UGGT2: variants seen among roughly 807,000 people sequenced by gnomAD.
UGGT2 encodes the protein UDP-glucose glycoprotein glucosyltransferase 2.
A neutral mutation model predicts 192.1 loss-of-function variants in UGGT2; 180 were observed. The ratio of observed to expected loss-of-function variants is 0.94; its 90% CI spans 0.83 to 1.06. UGGT2 has a LOEUF of 1.06. Among genes scored for constraint, UGGT2 ranks in the 50% least tolerant of loss-of-function variants. The pLI is 0.00. For missense variants in UGGT2, 1,849 were observed against 1,795.7 expected (o/e 1.03, Z -0.54); for synonymous variants, 580 against 591.0 (o/e 0.98, Z 0.27).
At chr13:95,898,210 C>T (rs1437287315) in intron 22 of UGGT2, among the ~76,000 whole-genome samples, 2 of 152,126 alleles carry the variant, frequency 1.3e-5, no homozygotes, top group African/African-American at 4.8e-5. Flanking sequence ...CCCAATGTAA[C>T]AGCCTCTAGT....
At chr13:95,994,005 T>C (rs2051539035) in intron 7 of UGGT2, among the ~76,000 whole-genome samples, 1 of 152,262 alleles carries the variant, frequency 6.6e-6, no homozygotes, top group East Asian at 1.9e-4. Context: ...AGCTTACTTA[T>C]ATATGTATAT....
In UGGT2 at chr13:95,887,056, AT is replaced by A. The variant is rs1321924959; in HGVS notation, c.3038+835del. On this transcript the variant is annotated intron_variant, in intron 26 of 38. Coordinates refer to ENST00000376747, the MANE Select transcript of UGGT2 (RefSeq NM_020121.4). Reference sequence around the variant, plus strand: ...GAGTGAGAACCTGTCTCCAAAAAAAATAAAAATAAAAATAAAAAAAAGTTCT... The same window carrying A: ...GAGTGAGAACCTGTCTCCAAAAAAAAAAAAATAAAAATAAAAAAAAGTTCT... Among the ~76,000 whole-genome samples, 4 of 152,294 alleles carry A rather than the reference AT, an allele frequency of 2.6e-5. No individual in the cohort carries two copies. In the East Asian group the frequency reaches 7.7e-4, roughly 29 times the overall value.
rs59712927 is a variant in UGGT2 at position 95,975,815 on chromosome 13, A to T, written c.1093-3144T>A. On this transcript the variant is annotated intron_variant, in intron 10 of 38. Transcript: ENST00000376747. ...TCTGAAATTTAAATTTTTCTTAAAA[A>T]TTTTATTTTTAATTTTCACGGGTAC... Among the ~76,000 whole-genome samples, 992 of 152,238 alleles carry T rather than the reference A, an allele frequency of 6.5e-3. 10 individuals are homozygous for T. The highest frequency in any genetic ancestry group is 0.023 in the African/African-American group (954 of 41,538).
intron 29 of UGGT2, among the ~76,000 whole-genome samples, chr13:95,875,902 A>G (rs980779512): frequency 4.6e-5 from 7 of 152,248 alleles, no homozygotes; most frequent in Admixed American, 3.9e-4. Context: ...AAAGGTGCTC[A>G]GTAAGTATTT....
At chr13:95,954,134 A>AAGTT (rs1378277407) in intron 12 of UGGT2, among the ~76,000 whole-genome samples, 3 of 152,192 alleles carry the variant, frequency 2.0e-5, no homozygotes, top group African/African-American at 7.2e-5. Flanking sequence ...AGTTTCATAC[A>AAGTT]CACAATTTAA....
intron 25 of UGGT2, among the ~76,000 whole-genome samples, chr13:95,889,800 C>G (rs1242731731): frequency 2.6e-5 from 4 of 152,172 alleles, no homozygotes; most frequent in Non-Finnish European, 5.9e-5. Context: ...TTCCAGCCTC[C>G]CTTGTCATTC....
At chr13:95,957,595 CAG>C (rs761013181) in intron 12 of UGGT2, among the ~76,000 whole-genome samples, 3 of 152,212 alleles carry the variant, frequency 2.0e-5, no homozygotes, top group Non-Finnish European at 4.4e-5. Flanking sequence ...TGGGGCTTTG[CAG>C]AGTGTGGGGA....
rs548472231 is a variant in UGGT2 at position 96,036,170 on chromosome 13, T to G, written c.159-4199A>C. Among the ~76,000 whole-genome samples the G allele has an allele frequency of 4.1e-4, 62 of 152,314 alleles. No individual in the cohort carries two copies. The South Asian group carries it at 6.6e-3, about 16-fold the overall frequency. ...CATCAACTTATATCCCCATCAATGA[T>G]AGACTGAATAAAGAAAATGTGGTAT... On this transcript the variant is annotated intron_variant, in intron 1 of 38. Transcript: ENST00000376747.
chr13:95,972,512 C>A, intron 11 of UGGT2, 68 bp downstream of exon 11: 1 of 1,322,100 alleles, frequency 7.6e-7, no homozygotes, highest in Admixed American at 2.0e-5. Flanking sequence ...TTGACTTACA[C>A]TAAATTCAAG....
rs774628040 is a variant in UGGT2, at chr13:96,053,367, G to A, written c.-55C>T. The A allele has an allele frequency of 3.2e-6, 5 of 1,540,554 alleles. No individual in the cohort carries two copies. The highest frequency in any genetic ancestry group is 4.3e-6 in the Non-Finnish European group (5 of 1,154,538). The stretch of plus-strand genomic sequence containing the variant: ...GACCCGGTACCCACAGTCTGTGGCC[G>A]CCACGCTTCGGCCGGCTCTTCCCGC... On this transcript the variant is annotated 5_prime_UTR_variant, in exon 1 of 39. Coordinates refer to ENST00000376747, the MANE Select transcript of UGGT2 (RefSeq NM_020121.4).
chr13:95,943,615 G>A (rs2049765620), intron 15 of UGGT2, among the ~76,000 whole-genome samples: 1 of 151,934 alleles, frequency 6.6e-6, no homozygotes, highest in Non-Finnish European at 1.5e-5. Context: ...TTAGAAGAGA[G>A]AAAAGCAACT....
intron 5 of UGGT2, among the ~76,000 whole-genome samples, chr13:96,000,400 T>C (rs1458421596): frequency 6.6e-6 from 1 of 152,234 alleles, no homozygotes; most frequent in Non-Finnish European, 1.5e-5. Context: ...ATGTAAAAGT[T>C]AGCTTCAGCT....
chr13:96,048,342 G>A (rs1214877573), intron 1 of UGGT2, among the ~76,000 whole-genome samples: 1 of 152,168 alleles, frequency 6.6e-6, no homozygotes, highest in Admixed American at 6.5e-5. Context: ...GCAGTGTGTA[G>A]AGGGAAATTT....
intron 20 of UGGT2, among the ~76,000 whole-genome samples, chr13:95,917,111 T>C (rs890532613): frequency 6.6e-6 from 1 of 151,864 alleles, no homozygotes; most frequent in Admixed American, 6.6e-5. Flanking sequence ...TTCTCCAAGG[T>C]TGAAATGAAA....
At chr13:95,999,345 G>C in intron 5 of UGGT2, 38 bp from the exon 6 acceptor site, 1 of 1,576,258 alleles carries the variant, frequency 6.3e-7, no homozygotes, top group Non-Finnish European at 8.7e-7. Flanking sequence ...AGCGAAAAGA[G>C]TTAGTCAAAC....
chr13:95,909,982 A>G (rs1303671732), intron 20 of UGGT2, among the ~76,000 whole-genome samples: 2 of 152,098 alleles, frequency 1.3e-5, no homozygotes. Context: ...TTTAATATCC[A>G]GCCAAACTAA....
rs753603639 is a variant in UGGT2 at position 95,863,673 on chromosome 13, G to A, written c.3600C>T (p.Thr1200=). 1.1e-5 allele frequency: 17 copies of A among 1,612,184 alleles called. No homozygotes were observed. Among genetic ancestry groups the A allele is most frequent in the East Asian group, 4.5e-5 (2 of 44,732 alleles). Residue 1200 remains threonine (T), a synonymous_variant, in exon 31 of 39, where the codon ACC becomes ACT. Coordinates refer to ENST00000376747, the MANE Select transcript of UGGT2 (RefSeq NM_020121.4). ...GTCCTTTTGTTTTTTCATCTTCATC[G>A]GTAAGGATATCTTCCTTAATTTTGT... is the stretch of plus-strand genomic sequence containing the variant. ...ETDKIKEDIL[T]DEDEKTKGLW... is the part of the protein sequence containing the mutation.
intron 15 of UGGT2, among the ~76,000 whole-genome samples, chr13:95,942,823 C>T (rs1594397152): frequency 6.6e-6 from 1 of 152,104 alleles, no homozygotes; most frequent in East Asian, 1.9e-4. Flanking sequence ...TCAGTATTTT[C>T]CTGCAGACTT....
At chr13:95,867,288 T>G in intron 30 of UGGT2, 51 bp downstream of exon 30, 1 of 1,396,430 alleles carries the variant, frequency 7.2e-7, no homozygotes, top group East Asian at 2.4e-5. Context: ...ACAAAGAAGA[T>G]AATTCTTAAT....
Sources: allele counts gnomAD v4.1 joint callset (sites outside exome capture counted in the v4.1 genomes callset), GRCh38; gene constraint gnomAD v4.1.1; transcripts MANE v1.5; gene names NCBI Gene and HGNC (gene_info 2026-07-23, HGNC 2026-07-21).